The following APBA2 variants were observed in gnomAD, a reference collection of about 807,000 sequenced individuals.
The protein encoded by APBA2 is amyloid beta precursor protein binding family A member 2.
Under a neutral mutation model 75.0 loss-of-function variants are expected in APBA2, and 30 were observed. That is an observed-to-expected ratio of 0.40 (90% CI 0.30 to 0.54). The LOEUF is 0.54. Among genes scored for constraint, APBA2 ranks in the 20% least tolerant of loss-of-function variants. The probability of loss-of-function intolerance (pLI) is 0.49; values close to 1 mark genes in which losing one functional copy is unlikely to be tolerated. For missense variants in APBA2, 801 were observed against 1,016.1 expected, an observed-to-expected ratio of 0.79 and a Z score of 2.88; for synonymous variants, 444 against 409.6, an observed-to-expected ratio of 1.08 and a Z score of -1.01.
intron 2 of APBA2, among the ~76,000 whole-genome samples, chr15:28,940,386 A>AAAAAG (rs2035138652): frequency 7.9e-6 from 1 of 127,184 alleles, no homozygotes; most frequent in Non-Finnish European, 1.6e-5. Context: ...AAAAAAAAAA[A>AAAAAG]ATAGCGGGGC....
intron 2 of APBA2, among the ~76,000 whole-genome samples, chr15:28,971,736 GTACTT>G (rs2037080899): frequency 6.6e-6 from 1 of 152,176 alleles, no homozygotes; most frequent in South Asian, 2.1e-4. Context: ...TAAAAAAACT[GTACTT>G]TAGAGAAGTA....
chr15:28,988,032 C>T (rs1357202868), intron 2 of APBA2, among the ~76,000 whole-genome samples: 1 of 151,916 alleles, frequency 6.6e-6, no homozygotes. Context: ...GCTGGGATTA[C>T]AGGCATGAGC....
Position 29,041,351 on chromosome 15 carries a change from C to T in APBA2, c.-40-12494C>T, listed in dbSNP as rs141890467. On this transcript the variant is annotated intron_variant, in intron 3 of 14. Coordinates refer to ENST00000683413, the MANE Select transcript of APBA2 (RefSeq NM_001353788.2). The stretch of plus-strand genomic sequence containing the variant: ...AATAAAATTTTGCTGAGCCTGGTGG[C>T]ACACACCTGTAGTGCCATCTACTCA... 2.0e-5 allele frequency among the ~76,000 whole-genome samples: 3 copies of T among 152,060 alleles called. No homozygotes were observed. The East Asian group carries it at 5.8e-4, about 29-fold the overall frequency.
At position 29,118,128 on chromosome 15, in the gene APBA2, C is replaced by G. The variant is rs1036096729; in HGVS notation, c.*995C>G. On this transcript the variant is annotated 3_prime_UTR_variant, in exon 15 of 15. Coordinates refer to ENST00000683413, the MANE Select transcript of APBA2 (RefSeq NM_001353788.2). ...TTCATTAGCGATCCATGTAATCTGA[C>G]GTCATCTTGTCTCGAAGTCTCTTTT... 6.6e-6 allele frequency: 1 copy of G among 152,646 alleles called. No individual in the cohort carries two copies. Among genetic ancestry groups the G allele is most frequent in the East Asian group, 1.9e-4 (1 of 5,190 alleles). 9.5% of individuals were successfully genotyped at this position (152,646 alleles called of 1,614,324 possible).
chr15:29,112,287 C>T (rs1051292881), intron 13 of APBA2, among the ~76,000 whole-genome samples: 2 of 152,222 alleles, frequency 1.3e-5, no homozygotes, highest in South Asian at 2.1e-4. Flanking sequence ...GCTCCTGTCC[C>T]GACCTGCAGC....
At chr15:29,091,300 G>A (rs1182606340) in intron 6 of APBA2, among the ~76,000 whole-genome samples, 1 of 152,070 alleles carries the variant, frequency 6.6e-6, no homozygotes, top group Non-Finnish European at 1.5e-5. Context: ...GGGGAGAGAC[G>A]GCTGGGAGCA....
At position 29,114,092 on chromosome 15, in the gene APBA2, G is replaced by A. The variant is rs148758571; in HGVS notation, c.2178+76G>A. 31 of 1,597,976 alleles carry A rather than the reference G, an allele frequency of 1.9e-5. No homozygotes were observed. The East Asian group carries it at 4.5e-4, about 23-fold the overall frequency. The stretch of plus-strand genomic sequence containing the variant: ...CGCCTGCCCTCCATGAGCCTCCCCC[G>A]CTCCAGAGGACACAGGGCATCTGAA... On this transcript the variant is annotated intron_variant, in intron 14 of 14. Transcript: ENST00000683413.
At chr15:28,932,782 G>C (rs2034630263) in intron 2 of APBA2, among the ~76,000 whole-genome samples, 1 of 152,140 alleles carries the variant, frequency 6.6e-6, no homozygotes, top group South Asian at 2.1e-4. Context: ...TCCATATTTT[G>C]GAATTCTTAT....
At chr15:28,935,502 G>A (rs913720447) in intron 2 of APBA2, among the ~76,000 whole-genome samples, 1 of 152,230 alleles carries the variant, frequency 6.6e-6, no homozygotes, top group East Asian at 1.9e-4. Flanking sequence ...CTGTCAGGGC[G>A]TAGGACGCTA....
At chr15:29,085,662 T>C (rs988376248) in intron 6 of APBA2, among the ~76,000 whole-genome samples, 2 of 152,200 alleles carry the variant, frequency 1.3e-5, no homozygotes, top group South Asian at 2.1e-4. Flanking sequence ...TCAAGTTTTC[T>C]ATGGCCAATA....
intron 13 of APBA2, among the ~76,000 whole-genome samples, chr15:29,111,066 C>T (rs1025061486): frequency 2.6e-5 from 4 of 152,090 alleles, no homozygotes; most frequent in East Asian, 1.9e-4. Context: ...AGCAGACTTG[C>T]GGGGCCTGCA....
chr15:29,061,204 C>T (rs372276226), intron 4 of APBA2, among the ~76,000 whole-genome samples: 2 of 152,254 alleles, frequency 1.3e-5, no homozygotes, highest in Admixed American at 6.5e-5. Context: ...GAGGGCTGGA[C>T]GGATTGTTTT....
intron 2 of APBA2, among the ~76,000 whole-genome samples, chr15:28,932,679 A>G (rs1176384624): frequency 1.3e-5 from 2 of 152,194 alleles, no homozygotes; most frequent in African/African-American, 4.8e-5. Context: ...CTATTGTGAT[A>G]GTGGATTGTT....
intron 2 of APBA2, among the ~76,000 whole-genome samples, chr15:28,953,081 G>C (rs991654860): frequency 9.2e-5 from 14 of 152,146 alleles, no homozygotes; most frequent in African/African-American, 3.4e-4. Context: ...CCTTAGCCTG[G>C]AATCCCAGTC....
At position 28,946,859 on chromosome 15, in the gene APBA2, G is replaced by T. The variant is rs563519351; in HGVS notation, c.-95+25110G>T. Reference sequence around the variant, plus strand: ...CTCGCCAAGTGCTGGGATTATAGGCGTGAGCCACTGCACTCAGCCCTCTGT... The same window carrying T: ...CTCGCCAAGTGCTGGGATTATAGGCTTGAGCCACTGCACTCAGCCCTCTGT... On this transcript the variant is annotated intron_variant, in intron 2 of 14. Coordinates refer to ENST00000683413, the MANE Select transcript of APBA2 (RefSeq NM_001353788.2). 3.3e-4 allele frequency among the ~76,000 whole-genome samples: 51 copies of T among 152,316 alleles called. No individual in the cohort carries two copies. The South Asian group carries it at 7.5e-3, about 22-fold the overall frequency.
intron 3 of APBA2, among the ~76,000 whole-genome samples, chr15:29,007,421 ACAGTCAG>A (rs2039174972): frequency 6.6e-6 from 1 of 152,358 alleles, no homozygotes; most frequent in South Asian, 2.1e-4. Flanking sequence ...CTCAAAGGAC[ACAGTCAG>A]CAGTGAAAAG....
At chr15:28,899,964 C>T (rs971853725) in intron 1 of APBA2, among the ~76,000 whole-genome samples, 16 of 152,134 alleles carry the variant, frequency 1.1e-4, no homozygotes, top group South Asian at 2.1e-4. Flanking sequence ...GAGAGTGTGT[C>T]GGGAGAGATG....
At chr15:28,931,561 C>T (rs911556687) in intron 2 of APBA2, among the ~76,000 whole-genome samples, 2 of 152,220 alleles carry the variant, frequency 1.3e-5, no homozygotes, top group Non-Finnish European at 1.5e-5. Flanking sequence ...GGCAGCGCTG[C>T]TCCATAGGGT....
At position 29,079,688 on chromosome 15, in the gene APBA2, T is replaced by C. The variant is rs550511549; in HGVS notation, c.1069+3597T>C. The stretch of plus-strand genomic sequence containing the variant: ...AGTATGTGAGTTCCTGGGAAGCCCC[T>C]GTGTAAGGGAGGAGCAGCTCCTCCA... On this transcript the variant is annotated intron_variant, in intron 6 of 14. Coordinates refer to ENST00000683413, the MANE Select transcript of APBA2 (RefSeq NM_001353788.2). 3.9e-5 allele frequency among the ~76,000 whole-genome samples: 6 copies of C among 152,204 alleles called. No individual in the cohort carries two copies. In the East Asian group the frequency reaches 9.7e-4, roughly 25 times the overall value.
Sources: allele counts gnomAD v4.1 joint callset (sites outside exome capture counted in the v4.1 genomes callset), GRCh38; gene constraint gnomAD v4.1.1; transcripts MANE v1.5; gene names NCBI Gene and HGNC (gene_info 2026-07-23, HGNC 2026-07-21).